ADAMTS17: variants seen among roughly 807,000 people sequenced by gnomAD.
ADAMTS17 encodes ADAM metallopeptidase with thrombospondin type 1 motif 17.
In ADAMTS17, 113 loss-of-function variants were observed where a neutral mutation model predicts 141.5. The ratio of observed to expected loss-of-function variants is 0.80; its 90% CI spans 0.69 to 0.93. The LOEUF (loss-of-function observed/expected upper bound fraction) is 0.93. ADAMTS17 is among the 40% of genes least tolerant of loss of function. ADAMTS17 has a pLI of 0.00. For synonymous variants in ADAMTS17, 768 were observed against 630.6 expected (o/e 1.22, Z -3.27); for missense variants, 1,659 against 1,517.9 (o/e 1.09, Z -1.54).
In ADAMTS17 at chr15:100,330,959, G is replaced by A. The variant is rs140043406; in HGVS notation, c.546C>T (p.Arg182=). The A allele has an allele frequency of 1.2e-6, 2 of 1,614,118 alleles. No individual in the cohort carries two copies. Among genetic ancestry groups the A allele is most frequent in the East Asian group, 2.2e-5 (1 of 44,880 alleles). Residue 182 remains arginine, a synonymous_variant, in exon 3 of 22, where the codon CGC becomes CGT. Transcript: ENST00000268070. ...PFSGREHLIR[R]KWSLTPSPSA... is the part of the protein sequence containing the mutation. Reference sequence around the variant, plus strand: ...AAGGGCTGGGGGTCAAGGACCATTTGCGCCTGATCAGATGTTCTCGTCCAC... The same window carrying A: ...AAGGGCTGGGGGTCAAGGACCATTTACGCCTGATCAGATGTTCTCGTCCAC...
chr15:100,181,065 G>A (rs1018549604), intron 8 of ADAMTS17, among the ~76,000 whole-genome samples: 11 of 152,306 alleles, frequency 7.2e-5, no homozygotes, highest in African/African-American at 2.6e-4. Context: ...CTCTTTCACA[G>A]GCAGAGGAGC....
At chr15:99,994,648 C>G (rs1264333144) in intron 19 of ADAMTS17, among the ~76,000 whole-genome samples, 1 of 152,134 alleles carries the variant, frequency 6.6e-6, no homozygotes, top group Non-Finnish European at 1.5e-5. Flanking sequence ...CTCACTGCAA[C>G]CTCCGCCTCC....
At chr15:100,011,330 A>AT (rs2061169327) in intron 18 of ADAMTS17, among the ~76,000 whole-genome samples, 1 of 100,566 alleles carries the variant, frequency 9.9e-6, no homozygotes, top group Non-Finnish European at 2.2e-5. Context: ...GATGGGAGGG[A>AT]GGGAGGGAAG....
chr15:100,134,235 G>A (rs528860523), intron 10 of ADAMTS17, among the ~76,000 whole-genome samples: 14 of 152,302 alleles, frequency 9.2e-5, no homozygotes, highest in South Asian at 8.3e-4. Flanking sequence ...GGATGGCCCC[G>A]CTGCCGACAG....
intron 18 of ADAMTS17, among the ~76,000 whole-genome samples, chr15:100,000,053 G>A (rs2060889213): frequency 6.6e-6 from 1 of 152,154 alleles, no homozygotes; most frequent in Admixed American, 6.5e-5. Context: ...AGGACAAGTG[G>A]CACATTGTCC....
At chr15:100,247,859 A>T (rs926547702) in intron 7 of ADAMTS17, among the ~76,000 whole-genome samples, 1 of 151,908 alleles carries the variant, frequency 6.6e-6, no homozygotes. Flanking sequence ...GTTCCCAAAC[A>T]CCACCGTCCT....
chr15:100,292,451 C>T (rs188871584), intron 3 of ADAMTS17, among the ~76,000 whole-genome samples: 8 of 150,792 alleles, frequency 5.3e-5, no homozygotes, highest in African/African-American at 1.5e-4. Flanking sequence ...ACACTCACCC[C>T]GTGTGAAATT....
At chr15:100,000,596 C>G (rs2060901153) in intron 18 of ADAMTS17, among the ~76,000 whole-genome samples, 1 of 152,212 alleles carries the variant, frequency 6.6e-6, no homozygotes, top group South Asian at 2.1e-4. Flanking sequence ...TCATTGCAAC[C>G]TCCACCTCCC....
chr15:100,008,684 A>T (rs1396984391), intron 18 of ADAMTS17, among the ~76,000 whole-genome samples: 1 of 152,236 alleles, frequency 6.6e-6, no homozygotes, highest in Non-Finnish European at 1.5e-5. Flanking sequence ...AGACTTGGGC[A>T]TCTGATCTGG....
intron 7 of ADAMTS17, among the ~76,000 whole-genome samples, chr15:100,207,402 G>C (rs2041616555): frequency 6.6e-6 from 1 of 152,064 alleles, no homozygotes; most frequent in Admixed American, 6.5e-5. Flanking sequence ...TCTATAAGAG[G>C]AGCTCTAAAC....
At chr15:100,039,675 G>C (rs1170760906) in intron 18 of ADAMTS17, among the ~76,000 whole-genome samples, 1 of 152,174 alleles carries the variant, frequency 6.6e-6, no homozygotes, top group Non-Finnish European at 1.5e-5. Flanking sequence ...GATCTATTCT[G>C]AATAGTGTTC....
chr15:100,214,375 G>A (rs563635458), intron 7 of ADAMTS17, among the ~76,000 whole-genome samples: 1 of 152,318 alleles, frequency 6.6e-6, no homozygotes, highest in South Asian at 2.1e-4. Context: ...ATACTTGAAT[G>A]AGCTTGTATT....
rs1305614450 is a variant in ADAMTS17, at chr15:100,341,197, G to A, written c.292C>T (p.Arg98Cys). 1.4e-6 allele frequency: 2 copies of A among 1,461,642 alleles called. No homozygotes were observed. The highest frequency in any genetic ancestry group is 3.1e-5 in the East Asian group (1 of 32,582). The allele number at this position is 1,461,642 out of a possible 1,614,324, so 90.5% of individuals were successfully genotyped here. ...CCTCGGGACAGGAAGCGCAGGTCGCGGCGCAGCTGAAGGTACAGGTCGCGC... is the reference window on the plus strand; with the variant it reads ...CCTCGGGACAGGAAGCGCAGGTCGCAGCGCAGCTGAAGGTACAGGTCGCGC... ...FGRDLYLQLR[R>C]DLRFLSRGFE... The change falls in exon 2 of 22, where the codon CGC (arginine) becomes TGC (cysteine). Residue 98 changes from arginine (R) to cysteine (C), a missense_variant. Transcript: ENST00000268070.
intron 15 of ADAMTS17, among the ~76,000 whole-genome samples, chr15:100,063,992 G>A (rs534495145): frequency 2.6e-5 from 4 of 152,200 alleles, no homozygotes; most frequent in South Asian, 4.2e-4. Flanking sequence ...CTCCAAATTC[G>A]TATGTTGAAG....
chr15:100,151,641 C>A (rs1261669677), intron 10 of ADAMTS17, among the ~76,000 whole-genome samples: 1 of 152,196 alleles, frequency 6.6e-6, no homozygotes, highest in Non-Finnish European at 1.5e-5. Context: ...TCCACATACC[C>A]CTGGCTGGTT....
intron 3 of ADAMTS17, among the ~76,000 whole-genome samples, chr15:100,282,553 T>G (rs999087251): frequency 2.6e-5 from 4 of 152,262 alleles, no homozygotes; most frequent in Non-Finnish European, 4.4e-5. Context: ...CTAAAAGTTA[T>G]GTGAATGAGG....
At chr15:100,077,282 A>AC in intron 15 of ADAMTS17, among the ~76,000 whole-genome samples, 1 of 72,618 alleles carries the variant, frequency 1.4e-5, no homozygotes. Flanking sequence ...TATCTCTACC[A>AC]CAAAAAAAAA....
intron 8 of ADAMTS17, among the ~76,000 whole-genome samples, chr15:100,185,313 C>T (rs1426951392): frequency 6.6e-6 from 1 of 151,962 alleles, no homozygotes; most frequent in Non-Finnish European, 1.5e-5. Flanking sequence ...GTAGAAGAAA[C>T]CTGTGAGATC....
chr15:100,225,290 T>C (rs909042773), intron 7 of ADAMTS17, among the ~76,000 whole-genome samples: 1 of 152,236 alleles, frequency 6.6e-6, no homozygotes, highest in Non-Finnish European at 1.5e-5. Flanking sequence ...TCCTCTGTCA[T>C]GTCAAAAATG....
Sources: allele counts gnomAD v4.1 joint callset (sites outside exome capture counted in the v4.1 genomes callset), GRCh38; gene constraint gnomAD v4.1.1; transcripts MANE v1.5; gene names NCBI Gene and HGNC (gene_info 2026-07-23, HGNC 2026-07-21).